Variants in GRIK2 observed in about 807,000 individuals in gnomAD.
GRIK2 encodes the protein glutamate receptor ionotropic, kainate 2.
A neutral mutation model predicts 100.3 loss-of-function variants in GRIK2; 32 were observed. The observed-to-expected ratio is 0.32, with a 90% CI of 0.24 to 0.43. The LOEUF is 0.43. Ranked by LOEUF, GRIK2 falls within the 20% of genes least tolerant of loss-of-function variation. The pLI is 1.00. For missense variants in GRIK2, 843 were observed against 1,114.9 expected, an observed-to-expected ratio of 0.76 and a Z score of 3.47; for synonymous variants, 417 against 389.4, an observed-to-expected ratio of 1.07 and a Z score of -0.83.
chr6:101,532,365 G>A (rs1775482798), intron 2 of GRIK2, among the ~76,000 whole-genome samples: 1 of 151,908 alleles, frequency 6.6e-6, no homozygotes. Flanking sequence ...CTTTTGCCAT[G>A]TGTTGTTTCC....
At chr6:101,933,226 G>T (rs1790399205) in intron 14 of GRIK2, among the ~76,000 whole-genome samples, 1 of 151,888 alleles carries the variant, frequency 6.6e-6, no homozygotes, top group African/African-American at 2.4e-5. Context: ...AAATACGTTT[G>T]TTATCCAACC....
At chr6:101,736,582 G>A (rs6902196) in intron 7 of GRIK2, among the ~76,000 whole-genome samples, 42,796 of 151,930 alleles carry the variant, frequency 0.28, 7,614 homozygotes, top group African/African-American at 0.48. Context: ...CCTTTCAGCC[G>A]TGGCTAGAGC....
chr6:101,890,023 T>C (rs1048554912), intron 12 of GRIK2, 160 bp downstream of exon 12: 14 of 609,008 alleles, frequency 2.3e-5, no homozygotes, highest in Non-Finnish European at 4.1e-5. Context: ...TTTATTAAAA[T>C]GTACTGTCCT....
chr6:101,978,333 A>G (rs1793522513), intron 14 of GRIK2, among the ~76,000 whole-genome samples: 3 of 152,026 alleles, frequency 2.0e-5, no homozygotes, highest in South Asian at 4.1e-4. Context: ...TAAGAATAGT[A>G]TATGCACATC....
intron 2 of GRIK2, among the ~76,000 whole-genome samples, chr6:101,542,575 G>T (rs770381182): frequency 1.3e-5 from 2 of 152,030 alleles, no homozygotes; most frequent in South Asian, 2.1e-4. Context: ...ATGCATAAAA[G>T]ATCATATTAT....
intron 7 of GRIK2, among the ~76,000 whole-genome samples, chr6:101,701,357 A>G (rs944777820): frequency 6.6e-6 from 1 of 152,058 alleles, no homozygotes; most frequent in African/African-American, 2.4e-5. Context: ...CCTTCGTAGT[A>G]CCTGTGTCAG....
At chr6:101,473,097 T>TTTCCTTCCTTCCTTCCTTCCTTCC (rs202063345) in intron 2 of GRIK2, among the ~76,000 whole-genome samples, 2 of 133,274 alleles carry the variant, frequency 1.5e-5, no homozygotes, top group Admixed American at 7.9e-5. Context: ...AATCCTAGGT[T>TTTCCTTCCTTCCTTCCTTCCTTCC]TTCCTTCCTT....
chr6:101,494,861 G>A (rs1216411586), intron 2 of GRIK2, among the ~76,000 whole-genome samples: 1 of 151,218 alleles, frequency 6.6e-6, no homozygotes, highest in Non-Finnish European at 1.5e-5. Context: ...TTGAGACTGG[G>A]AGGTGGAGGT....
chr6:101,395,921 T>C (rs1422652464), intron 1 of GRIK2, among the ~76,000 whole-genome samples: 2 of 152,038 alleles, frequency 1.3e-5, no homozygotes, highest in Admixed American at 1.3e-4. Flanking sequence ...ATGGTTAAAA[T>C]GAGGAAAAAA....
chr6:102,059,822 T>C (rs1771658415), intron 16 of GRIK2, among the ~76,000 whole-genome samples: 1 of 150,684 alleles, frequency 6.6e-6, no homozygotes, highest in Admixed American at 6.6e-5. Context: ...TTGTGTGTTT[T>C]GTATATAGAA....
At position 101,830,323 on chromosome 6, in the gene GRIK2, C is replaced by G. The variant is rs575639697; in HGVS notation, c.1317+11840C>G. 3.9e-5 allele frequency among the ~76,000 whole-genome samples: 6 copies of G among 151,910 alleles called. No homozygotes were observed. In the East Asian group the frequency reaches 1.2e-3, roughly 29 times the overall value. On this transcript the variant is annotated intron_variant, in intron 10 of 16. Coordinates refer to ENST00000369134, the MANE Select transcript of GRIK2 (RefSeq NM_021956.5). ...TCTAAGGCCTCAAACTGTAAAAATCCTGGAAGAAAACCAAGGAAATATTTT... is the reference window on the plus strand; with the variant it reads ...TCTAAGGCCTCAAACTGTAAAAATCGTGGAAGAAAACCAAGGAAATATTTT...
chr6:101,644,781 C>G (rs1781442865), intron 4 of GRIK2, among the ~76,000 whole-genome samples: 1 of 151,788 alleles, frequency 6.6e-6, no homozygotes, highest in Non-Finnish European at 1.5e-5. Flanking sequence ...ATATCTAGCT[C>G]TGGTCTCAGG....
At chr6:101,976,769 A>T (rs1029292782) in intron 14 of GRIK2, among the ~76,000 whole-genome samples, 2 of 151,816 alleles carry the variant, frequency 1.3e-5, no homozygotes, top group Admixed American at 6.6e-5. Flanking sequence ...AGGCATAGGG[A>T]AGAGAAAAAT....
intron 2 of GRIK2, among the ~76,000 whole-genome samples, chr6:101,506,033 G>T (rs779892336): frequency 6.6e-6 from 1 of 152,072 alleles, no homozygotes; most frequent in East Asian, 1.9e-4. Flanking sequence ...AGCTGACATT[G>T]TTATACGTAC....
chr6:101,890,612 A>G (rs1030043872), intron 12 of GRIK2, among the ~76,000 whole-genome samples: 2 of 151,966 alleles, frequency 1.3e-5, no homozygotes, highest in Non-Finnish European at 2.9e-5. Context: ...AAAATATATA[A>G]ATTTTATATT....
At chr6:101,739,702 G>A (rs1775900671) in intron 7 of GRIK2, among the ~76,000 whole-genome samples, 1 of 152,036 alleles carries the variant, frequency 6.6e-6, no homozygotes, top group South Asian at 2.1e-4. Flanking sequence ...TGAAGTTGAG[G>A]AGCCACAATT....
Position 101,799,701 on chromosome 6 carries a change from A to G in GRIK2, c.1005A>G (p.Gln335=). The change falls in exon 8 of 17, where the codon CAA becomes CAG. Residue 335 remains glutamine, a synonymous_variant. Transcript: ENST00000369134. ...TGCATGTGGTGTCTGTGGCCGTTCA[A>G]CAGTTTCCCCAGATGACAGTCAGTT... ...DAVHVVSVAV[Q]QFPQMTVSSL... The G allele has an allele frequency of 6.2e-7, 1 of 1,612,972 alleles. No individual in the cohort carries two copies. Among genetic ancestry groups the G allele is most frequent in the Non-Finnish European group, 8.5e-7 (1 of 1,179,084 alleles).
At chr6:101,803,551 C>T (rs1780804640) in intron 9 of GRIK2, among the ~76,000 whole-genome samples, 2 of 151,846 alleles carry the variant, frequency 1.3e-5, no homozygotes, top group Non-Finnish European at 2.9e-5. Context: ...CTAACTGTCT[C>T]ACTCTCCAGA....
At chr6:101,826,033 T>C (rs1782303840) in intron 10 of GRIK2, among the ~76,000 whole-genome samples, 1 of 152,124 alleles carries the variant, frequency 6.6e-6, no homozygotes, top group African/African-American at 2.4e-5. Context: ...GCCTATATTT[T>C]CAATCTCTAT....
Sources: gnomAD v4.1 joint callset for allele counts (sites outside exome capture counted in the v4.1 genomes callset) on GRCh38, gnomAD v4.1.1 for gene constraint, MANE v1.5 for transcripts, NCBI Gene and HGNC (gene_info 2026-07-23, HGNC 2026-07-21) for gene names.